Variants in GPC5 observed in about 807,000 individuals in gnomAD.
The protein encoded by GPC5 is glypican-5.
A neutral mutation model predicts 53.9 loss-of-function variants in GPC5; 47 were observed. The observed-to-expected ratio is 0.87, with a 90% CI of 0.69 to 1.11. The LOEUF is 1.11. GPC5 is among the 50% of genes most tolerant of loss of function. The pLI is 0.00. For synonymous variants in GPC5, 286 were observed against 263.3 expected (o/e 1.09, Z -0.84); for missense variants, 748 against 713.1 (o/e 1.05, Z -0.56).
chr13:92,645,233 C>T (rs1387600950), intron 7 of GPC5, among the ~76,000 whole-genome samples: 1 of 152,134 alleles, frequency 6.6e-6, no homozygotes, highest in Non-Finnish European at 1.5e-5. Flanking sequence ...GCAACCTCCA[C>T]CTTCCAGGTT....
intron 2 of GPC5, among the ~76,000 whole-genome samples, chr13:91,570,538 G>T (rs938965022): frequency 2.0e-5 from 3 of 152,254 alleles, no homozygotes; most frequent in African/African-American, 7.2e-5. Context: ...GGGTGCCTAT[G>T]ATTATGTTAT....
chr13:91,749,962 A>G (rs2037134924), intron 4 of GPC5, among the ~76,000 whole-genome samples: 1 of 152,128 alleles, frequency 6.6e-6, no homozygotes, highest in Non-Finnish European at 1.5e-5. Flanking sequence ...GGCATGCACC[A>G]CCAAGCCCGG....
At chr13:92,428,100 T>A (rs1876916720) in intron 7 of GPC5, among the ~76,000 whole-genome samples, 1 of 152,084 alleles carries the variant, frequency 6.6e-6, no homozygotes, top group South Asian at 2.1e-4. Flanking sequence ...ATTACTACCG[T>A]GGTCAACAGA....
Position 92,385,299 on chromosome 13 carries a change from G to A in GPC5, c.1561+240310G>A, listed in dbSNP as rs142491147. 3.4e-3 allele frequency among the ~76,000 whole-genome samples: 498 copies of A among 145,466 alleles called. 3 individuals carry two copies. Among genetic ancestry groups the A allele is most frequent in the African/African-American group, 0.012 (461 of 39,756 alleles). ...CTGTTTATGCAGTATAGTCCTATTC[G>A]TAGGCACTTCCTATATATATACATA... On this transcript the variant is annotated intron_variant, in intron 7 of 7. Coordinates refer to ENST00000377067, the MANE Select transcript of GPC5 (RefSeq NM_004466.6).
chr13:92,789,238 C>G (rs976829007), intron 7 of GPC5, among the ~76,000 whole-genome samples: 1 of 151,966 alleles, frequency 6.6e-6, no homozygotes, highest in Non-Finnish European at 1.5e-5. Context: ...CTCATGAGGC[C>G]CTTGTTAGGG....
intron 6 of GPC5, among the ~76,000 whole-genome samples, chr13:92,074,421 T>C (rs1243301134): frequency 6.6e-6 from 1 of 152,170 alleles, no homozygotes; most frequent in African/African-American, 2.4e-5. Flanking sequence ...ACAGGGAAAG[T>C]GTATTTGAAG....
intron 7 of GPC5, among the ~76,000 whole-genome samples, chr13:92,735,657 C>T (rs1416152409): frequency 6.6e-6 from 1 of 151,910 alleles, no homozygotes; most frequent in Non-Finnish European, 1.5e-5. Context: ...AAACTCAAGC[C>T]CATGTCTGGA....
At chr13:92,027,788 T>A (rs2040811661) in intron 6 of GPC5, among the ~76,000 whole-genome samples, 1 of 152,140 alleles carries the variant, frequency 6.6e-6, no homozygotes, top group Non-Finnish European at 1.5e-5. Context: ...TGAATGGACA[T>A]CCCTGAGATA....
intron 7 of GPC5, among the ~76,000 whole-genome samples, chr13:92,649,820 G>T (rs554968300): frequency 6.6e-6 from 1 of 152,012 alleles, no homozygotes; most frequent in African/African-American, 2.4e-5. Context: ...CTCTTAAAAC[G>T]TAATTTCCTT....
intron 1 of GPC5, among the ~76,000 whole-genome samples, chr13:91,409,760 G>A (rs1201990096): frequency 6.6e-6 from 1 of 151,880 alleles, no homozygotes; most frequent in Non-Finnish European, 1.5e-5. Context: ...TTGTTACTTG[G>A]GTTTATTGTG....
intron 1 of GPC5, among the ~76,000 whole-genome samples, chr13:91,427,510 T>A (rs952460238): frequency 6.6e-6 from 1 of 152,222 alleles, no homozygotes; most frequent in Admixed American, 6.5e-5. Flanking sequence ...TTTCTCCCAT[T>A]TGGAATGAGA....
intron 6 of GPC5, among the ~76,000 whole-genome samples, chr13:92,010,253 T>G (rs1262186987): frequency 6.6e-6 from 1 of 152,210 alleles, no homozygotes; most frequent in Non-Finnish European, 1.5e-5. Flanking sequence ...TTATGTTGTT[T>G]ATTTTCTGCT....
At chr13:91,582,072 G>A (rs530431641) in intron 2 of GPC5, among the ~76,000 whole-genome samples, 1 of 152,256 alleles carries the variant, frequency 6.6e-6, no homozygotes, top group African/African-American at 2.4e-5. Context: ...CCTTGGTGTA[G>A]ACAAAATGTC....
At chr13:92,417,652 C>T (rs1448897563) in intron 7 of GPC5, among the ~76,000 whole-genome samples, 2 of 152,064 alleles carry the variant, frequency 1.3e-5, no homozygotes, top group African/African-American at 4.8e-5. Flanking sequence ...GCAGGTGGAT[C>T]TCTTGAGCCG....
At chr13:91,668,623 T>C (rs78179106) in intron 2 of GPC5, among the ~76,000 whole-genome samples, 3 of 152,132 alleles carry the variant, frequency 2.0e-5, no homozygotes, top group African/African-American at 7.2e-5. Context: ...TAAAAAATTA[T>C]TTTTTAATCT....
At chr13:91,926,971 T>C (rs1183017758) in intron 6 of GPC5, among the ~76,000 whole-genome samples, 1 of 152,224 alleles carries the variant, frequency 6.6e-6, no homozygotes, top group Non-Finnish European at 1.5e-5. Flanking sequence ...TATGTTAGAA[T>C]TTATTAGATG....
At chr13:91,669,303 T>C (rs1215274289) in intron 2 of GPC5, among the ~76,000 whole-genome samples, 1 of 152,190 alleles carries the variant, frequency 6.6e-6, no homozygotes, top group Admixed American at 6.5e-5. Flanking sequence ...AATGGTACAA[T>C]TCTGAATGAA....
At chr13:92,502,242 G>A (rs1340873645) in intron 7 of GPC5, among the ~76,000 whole-genome samples, 1 of 151,632 alleles carries the variant, frequency 6.6e-6, no homozygotes, top group East Asian at 1.9e-4. Flanking sequence ...ATGTGCAGTA[G>A]GTGTATTTAA....
At chr13:91,982,330 T>G (rs1333708686) in intron 6 of GPC5, among the ~76,000 whole-genome samples, 2 of 152,192 alleles carry the variant, frequency 1.3e-5, no homozygotes, top group Non-Finnish European at 2.9e-5. Context: ...GTGTTCAGGA[T>G]TATTTGACAT....
Sources: gnomAD v4.1 joint callset for allele counts (sites outside exome capture counted in the v4.1 genomes callset) on GRCh38, gnomAD v4.1.1 for gene constraint, MANE v1.5 for transcripts, NCBI Gene and HGNC (gene_info 2026-07-23, HGNC 2026-07-21) for gene names.